ABHD2: variants seen among roughly 807,000 people sequenced by gnomAD.
ABHD2 encodes monoacylglycerol lipase ABHD2.
In ABHD2, 20 loss-of-function variants were observed where a neutral mutation model predicts 48.1. The ratio of observed to expected loss-of-function variants is 0.42; its 90% CI spans 0.29 to 0.60. ABHD2 has a LOEUF of 0.60. Ranked by LOEUF, ABHD2 falls within the 20% of genes least tolerant of loss-of-function variation. The probability of loss-of-function intolerance (pLI) is 0.24; values close to 1 mark genes in which losing one functional copy is unlikely to be tolerated. For missense variants in ABHD2, 405 were observed against 550.9 expected (o/e 0.74, Z 2.65); for synonymous variants, 209 against 214.2 (o/e 0.98, Z 0.21).
chr15:89,085,917 A>G (rs1375445165), upstream of ABHD2, among the ~76,000 whole-genome samples: 1 of 152,244 alleles, frequency 6.6e-6, no homozygotes, highest in South Asian at 2.1e-4. This position sits in a 1 kb window ranked among gnomAD's most constrained non-coding sequence, Gnocchi z 4.2. Flanking sequence ...GCATGCAGCC[A>G]TGTGTATGGC....
Position 89,202,040 on chromosome 15 carries a change from A to C in ABHD2, c.*6617A>C, listed in dbSNP as rs2051471157. On this transcript the variant is annotated 3_prime_UTR_variant, in exon 11 of 11. Coordinates refer to ENST00000352732, the MANE Select transcript of ABHD2 (RefSeq NM_152924.5). ...TTCTGAAACTTAAAATGCTGCCCCG[A>C]AAATACTATATTTTTGAGTTTGTGT... is the stretch of plus-strand genomic sequence containing the variant. 5.3e-6 allele frequency: 2 copies of C among 377,886 alleles called. No homozygotes were observed. Among genetic ancestry groups the C allele is most frequent in the Admixed American group, 8.8e-5 (2 of 22,660 alleles). 23.4% of individuals were successfully genotyped at this position (377,886 alleles called of 1,614,324 possible).
the ABHD2 span, among the ~76,000 whole-genome samples, chr15:89,072,720 T>G: frequency 6.6e-6 from 1 of 152,180 alleles, no homozygotes; most frequent in South Asian, 2.1e-4. Flanking sequence ...ATCTTTGGTA[T>G]TCACCCATTC....
intron 1 of ABHD2, among the ~76,000 whole-genome samples, chr15:89,105,675 A>C (rs1213983372): frequency 6.6e-6 from 1 of 152,212 alleles, no homozygotes; most frequent in African/African-American, 2.4e-5. Context: ...TGGATCAACC[A>C]AGGGCTTTAT....
chr15:89,096,116 C>T (rs766310967), intron 1 of ABHD2, among the ~76,000 whole-genome samples: 4 of 152,236 alleles, frequency 2.6e-5, no homozygotes, highest in Admixed American at 6.5e-5. Context: ...ACTTGTCACA[C>T]TGTACCTGTC....
the ABHD2 span, among the ~76,000 whole-genome samples, chr15:89,053,401 A>C: frequency 6.6e-6 from 1 of 152,202 alleles, no homozygotes; most frequent in East Asian, 1.9e-4. Flanking sequence ...ACTGACATGC[A>C]GCATAATCTC....
rs999898291 is a variant in ABHD2, at chr15:89,177,600, C to T, written c.722+1605C>T. Among the ~76,000 whole-genome samples, 17 of 152,248 alleles carry T rather than the reference C, an allele frequency of 1.1e-4. No individual in the cohort carries two copies. Among genetic ancestry groups the T allele is most frequent in the South Asian group, 2.1e-4 (1 of 4,818 alleles). ...CCTCAGTGGTCTCTCCAGCTGCTCTCGCGTTCCAGGACCAGGCTAGTCCCC... is the reference window on the plus strand; with the variant it reads ...CCTCAGTGGTCTCTCCAGCTGCTCTTGCGTTCCAGGACCAGGCTAGTCCCC... On this transcript the variant is annotated intron_variant, in intron 6 of 10. Coordinates refer to ENST00000352732, the MANE Select transcript of ABHD2 (RefSeq NM_152924.5). This position sits in a 1 kb window ranked among gnomAD's most constrained non-coding sequence, Gnocchi z 5.6.
chr15:89,063,117 G>A, the ABHD2 span, among the ~76,000 whole-genome samples: 20 of 151,292 alleles, frequency 1.3e-4, no homozygotes, highest in East Asian at 3.5e-3. Flanking sequence ...ACAGGCGCAC[G>A]CCACCATGCC....
At chr15:89,085,289 A>C (rs1447275991), upstream of ABHD2, among the ~76,000 whole-genome samples, 1 of 151,776 alleles carries the variant, frequency 6.6e-6, no homozygotes, top group Non-Finnish European at 1.5e-5. The surrounding 1 kb of genome is among the most constrained non-coding windows in gnomAD (Gnocchi z 4.2). Context: ...ACATCCCAAC[A>C]CCTGCTTATC....
chr15:89,170,361 T>C (rs982595534), intron 5 of ABHD2, among the ~76,000 whole-genome samples: 2 of 151,894 alleles, frequency 1.3e-5, no homozygotes, highest in African/African-American at 2.4e-5. Flanking sequence ...CCTCCCAAAG[T>C]GCTGGGATTA....
the ABHD2 span, among the ~76,000 whole-genome samples, chr15:89,067,671 C>T: frequency 6.6e-5 from 10 of 152,176 alleles, no homozygotes; most frequent in Non-Finnish European, 1.3e-4. Context: ...CAGCCTTTTT[C>T]CCAATACTCA....
chr15:89,107,563 AC>A (rs1234459359), intron 1 of ABHD2, among the ~76,000 whole-genome samples: 1 of 152,176 alleles, frequency 6.6e-6, no homozygotes, highest in Non-Finnish European at 1.5e-5. Context: ...TATTAAAAAT[AC>A]GGTAGTATTG....
intron 5 of ABHD2, among the ~76,000 whole-genome samples, chr15:89,171,570 G>A (rs2050928009): frequency 6.6e-6 from 1 of 152,210 alleles, no homozygotes; most frequent in South Asian, 2.1e-4. Context: ...GCGCCTGGTT[G>A]TGTTGAACGG....
At chr15:89,132,224 G>A (rs1484362970) in intron 3 of ABHD2, among the ~76,000 whole-genome samples, 2 of 152,180 alleles carry the variant, frequency 1.3e-5, no homozygotes, top group Admixed American at 6.5e-5. Flanking sequence ...TGCAGGGTCC[G>A]CTGTGCAGTA....
At chr15:89,063,485 T>C in the ABHD2 span, among the ~76,000 whole-genome samples, 2 of 151,984 alleles carry the variant, frequency 1.3e-5, no homozygotes, top group Non-Finnish European at 2.9e-5. Context: ...TCTTTTCCTA[T>C]ATATGCGTTC....
At chr15:89,157,149 A>T (rs1407538080) in intron 5 of ABHD2, among the ~76,000 whole-genome samples, 1 of 152,244 alleles carries the variant, frequency 6.6e-6, no homozygotes, top group Non-Finnish European at 1.5e-5. Flanking sequence ...TTTGTAGGAC[A>T]TATGAATTAT....
In ABHD2 at chr15:89,195,232, C is replaced by T; in HGVS notation, c.1087C>T (p.Arg363Ter). ...LTIPKSLSEK[R>*]ENVMFVLPLH... is the part of the protein sequence containing the mutation. ...CAGCTGCGTTTCCCCTGCAGAGAAA[C>T]GAGAGAACGTCATGTTTGTGCTGCC... is the stretch of plus-strand genomic sequence containing the variant. The change falls in exon 11 of 11, where the codon CGA (arginine) becomes TGA (stop). Residue 363 changes from arginine (R) to a stop codon, truncating the protein, a stop_gained. Transcript: ENST00000352732. LOFTEE classifies it high-confidence loss of function. This position sits in a 1 kb window ranked among gnomAD's most constrained non-coding sequence, Gnocchi z 5.1. The T allele has an allele frequency of 2.5e-6, 4 of 1,613,064 alleles. No individual in the cohort carries two copies. The highest frequency in any genetic ancestry group is 2.2e-5 in the South Asian group (2 of 90,958).
rs2049691867 is a variant in ABHD2 at position 89,100,931 on chromosome 15, A to T, written c.-107+12368A>T. ...TTTAATCTAGGTTAAACTACAGTTA[A>T]TGGTATTGAGTTTTATATTTTCTGG... On this transcript the variant is annotated intron_variant, in intron 1 of 10. Transcript: ENST00000352732. The surrounding 1 kb of genome is among the most constrained non-coding windows in gnomAD (Gnocchi z 4.4). 6.6e-6 allele frequency among the ~76,000 whole-genome samples: 1 copy of T among 152,200 alleles called. No homozygotes were observed. The highest frequency in any genetic ancestry group is 1.5e-5 in the Non-Finnish European group (1 of 68,030).
At position 89,102,694 on chromosome 15, in the gene ABHD2, G is replaced by A. The variant is rs564954118; in HGVS notation, c.-106-11031G>A. The A allele has an allele frequency of 1.3e-5, 2 of 152,388 alleles. No individual in the cohort carries two copies. The highest frequency in any genetic ancestry group is 2.4e-5 in the African/African-American group (1 of 41,582). 9.4% of individuals were successfully genotyped at this position (152,388 alleles called of 1,614,324 possible). ...CAGGAAACTGATGAGGAGGCAAGAC[G>A]AATGTATTGGGAAAGCCCAGCGGAG... On this transcript the variant is annotated intron_variant, in intron 1 of 10. Transcript: ENST00000352732. The surrounding 1 kb of genome is among the most constrained non-coding windows in gnomAD (Gnocchi z 4.8).
At chr15:89,054,856 A>AT in the ABHD2 span, among the ~76,000 whole-genome samples, 2 of 152,060 alleles carry the variant, frequency 1.3e-5, no homozygotes, top group Non-Finnish European at 2.9e-5. Context: ...CAGCTCTAAA[A>AT]AAACATTTTT....
Sources: allele counts gnomAD v4.1 joint callset (sites outside exome capture counted in the v4.1 genomes callset), GRCh38; gene constraint gnomAD v4.1.1; non-coding constraint Gnocchi (gnomAD v3.1); transcripts MANE v1.5; gene names NCBI Gene and HGNC (gene_info 2026-07-23, HGNC 2026-07-21).